Variants in FRY observed in about 807,000 individuals in gnomAD.
FRY encodes the protein protein furry homolog.
Under a neutral mutation model 348.4 loss-of-function variants are expected in FRY, and 128 were observed. The ratio of observed to expected loss-of-function variants is 0.37; its 90% CI spans 0.32 to 0.43. FRY has a LOEUF of 0.43. Ranked by LOEUF, FRY falls within the 20% of genes least tolerant of loss-of-function variation. FRY has a pLI of 1.00. For synonymous variants in FRY, 1,370 were observed against 1,374.7 expected (o/e 1.00, Z 0.08); for missense variants, 2,736 against 3,695.2 (o/e 0.74, Z 6.73).
intron 4 of FRY, among the ~76,000 whole-genome samples, chr13:32,122,550 G>T (rs1205160304): frequency 6.6e-6 from 1 of 151,684 alleles, no homozygotes; most frequent in Non-Finnish European, 1.5e-5. Flanking sequence ...TGTAATAAAA[G>T]CCATCTACGA....
intron 36 of FRY, among the ~76,000 whole-genome samples, chr13:32,221,782 G>A (rs1018353949): frequency 1.3e-5 from 2 of 152,132 alleles, no homozygotes; most frequent in African/African-American, 4.8e-5. Context: ...CAAAATGCTG[G>A]GATTACAGGC....
At chr13:32,178,577 A>G in intron 21 of FRY, 141 bp downstream of exon 21, 1 of 1,010,718 alleles carries the variant, frequency 9.9e-7, no homozygotes, top group South Asian at 1.6e-5. Flanking sequence ...GAGTAAAAAC[A>G]TTAAAAAAAT....
intron 36 of FRY, among the ~76,000 whole-genome samples, chr13:32,219,033 T>C (rs1474289273): frequency 6.6e-6 from 1 of 151,120 alleles, no homozygotes; most frequent in African/African-American, 2.4e-5. Flanking sequence ...CAAATCAAAA[T>C]TATAAAAATT....
Position 32,239,233 on chromosome 13 carries a change from T to C in FRY, c.6419-19T>C. On this transcript the variant is annotated intron_variant, in intron 44 of 60. Coordinates refer to ENST00000542859, the MANE Select transcript of FRY (RefSeq NM_023037.3). This position sits in a 1 kb window ranked among gnomAD's most constrained non-coding sequence, Gnocchi z 4.3. ...ATATACCATATTCAGCTATCTCCAT[T>C]GTATCTTCTCTAATCCAGGGTTTCC... The C allele has an allele frequency of 7.0e-7, 1 of 1,429,294 alleles. No individual in the cohort carries two copies. Among genetic ancestry groups the C allele is most frequent in the South Asian group, 1.1e-5 (1 of 87,330 alleles). 88.5% of individuals were successfully genotyped at this position (1,429,294 alleles called of 1,614,324 possible).
At chr13:32,034,481 C>T (rs1304369324) in intron 1 of FRY, among the ~76,000 whole-genome samples, 3 of 152,146 alleles carry the variant, frequency 2.0e-5, no homozygotes, top group Non-Finnish European at 2.9e-5. Context: ...ATTAAAATGG[C>T]CTTGATGTCT....
chr13:32,219,437 A>G (rs2138391283), intron 36 of FRY, among the ~76,000 whole-genome samples: 1 of 148,386 alleles, frequency 6.7e-6, no homozygotes. Context: ...GCTGGGGAAA[A>G]TACACTAAGT....
At chr13:32,231,101 G>T in intron 40 of FRY, 78 bp from the exon 41 acceptor site, 1 of 1,228,882 alleles carries the variant, frequency 8.1e-7, no homozygotes, top group Non-Finnish European at 1.2e-6. Context: ...TTATATGTTT[G>T]GAGTCAGGAC....
intron 2 of FRY, among the ~76,000 whole-genome samples, chr13:32,098,326 A>G (rs465051): frequency 0.82 from 125,315 of 152,016 alleles, 52,322 homozygotes; most frequent in Non-Finnish European, 0.89. Flanking sequence ...CATGCTACAT[A>G]TCAGGTGGAA....
chr13:32,062,216 A>G (rs983030419), intron 1 of FRY, among the ~76,000 whole-genome samples: 4 of 151,790 alleles, frequency 2.6e-5, no homozygotes, highest in African/African-American at 9.7e-5. Flanking sequence ...TAACAAGCAT[A>G]CAAGATAAAT....
chr13:32,296,423 A>G lies in FRY; in HGVS notation c.*963A>G, dbSNP rs928669398. ...ATGTCATATTTTATGTGTAATATATATGTAAAGGGCCATTCTTAAGTTCTC... is the reference window on the plus strand; with the variant it reads ...ATGTCATATTTTATGTGTAATATATGTGTAAAGGGCCATTCTTAAGTTCTC... On this transcript the variant is annotated 3_prime_UTR_variant, in exon 61 of 61. Coordinates refer to ENST00000542859, the MANE Select transcript of FRY (RefSeq NM_023037.3). 12 of 152,594 alleles carry G rather than the reference A, an allele frequency of 7.9e-5. No homozygotes were observed. The highest frequency in any genetic ancestry group is 2.9e-4 in the African/African-American group (12 of 41,434). The allele number at this position is 152,594 out of a possible 1,614,324, so 9.5% of individuals were successfully genotyped here. A position where few individuals can be genotyped will look rare whatever the true frequency, so the allele number is the denominator to read the frequency against.
intron 1 of FRY, among the ~76,000 whole-genome samples, chr13:32,075,174 T>C (rs1874960597): frequency 2.0e-5 from 3 of 152,240 alleles, no homozygotes; most frequent in Admixed American, 2.0e-4. Context: ...AGCAAATTTT[T>C]CCCTTTTATA....
chr13:32,074,373 T>C (rs187796741), intron 1 of FRY, among the ~76,000 whole-genome samples: 7 of 152,216 alleles, frequency 4.6e-5, no homozygotes, highest in Non-Finnish European at 1.0e-4. Flanking sequence ...TGAGAAAATA[T>C]AAAGAGAAGA....
chr13:32,127,740 C>T (rs1236116976), intron 7 of FRY, among the ~76,000 whole-genome samples: 1 of 151,904 alleles, frequency 6.6e-6, no homozygotes, highest in Non-Finnish European at 1.5e-5. Flanking sequence ...GATCGTGCCA[C>T]TACACTCCAG....
intron 51 of FRY, among the ~76,000 whole-genome samples, chr13:32,260,052 A>G (rs1425147845): frequency 6.6e-6 from 1 of 152,182 alleles, no homozygotes; most frequent in African/African-American, 2.4e-5. Flanking sequence ...GCCTTCTACC[A>G]TGAATAGCCC....
intron 15 of FRY, among the ~76,000 whole-genome samples, 193 bp downstream of exon 15, chr13:32,155,855 G>A (rs1284918555): frequency 6.6e-6 from 1 of 151,996 alleles, no homozygotes; most frequent in African/African-American, 2.4e-5. Context: ...AGAACTTCCT[G>A]GTAAATATTT....
intron 28 of FRY, among the ~76,000 whole-genome samples, chr13:32,191,543 A>G (rs138981171): frequency 2.0e-3 from 307 of 152,364 alleles, no homozygotes; most frequent in African/African-American, 6.9e-3. Flanking sequence ...AAGCTCATTA[A>G]TAATCATGTA....
At chr13:32,115,093 A>T (rs1021022253) in intron 3 of FRY, among the ~76,000 whole-genome samples, 1 of 152,236 alleles carries the variant, frequency 6.6e-6, no homozygotes, top group Non-Finnish European at 1.5e-5. Context: ...TGTACATATA[A>T]CCATCATTAT....
chr13:32,261,562 A>T (rs1887650083), intron 51 of FRY, 54 bp from the exon 52 acceptor site: 1 of 1,370,046 alleles, frequency 7.3e-7, no homozygotes, highest in Non-Finnish European at 1.0e-6. Context: ...ATGTGTGAAC[A>T]TGTGAGTGCA....
rs531288902 is a variant in FRY, at chr13:32,055,366, C to A, written c.71-23468C>A. ...CCTAAGATGGAAACTATTTTAAACC[C>A]TCCTATGGATTCCTCTACGTGGGAG... On this transcript the variant is annotated intron_variant, in intron 1 of 60. Transcript: ENST00000542859. Among the ~76,000 whole-genome samples, 48 of 152,270 alleles carry A rather than the reference C, an allele frequency of 3.2e-4. No homozygotes were observed. In the East Asian group the frequency reaches 7.5e-3, roughly 24 times the overall value.
Sources: gnomAD v4.1 joint callset for allele counts (sites outside exome capture counted in the v4.1 genomes callset) on GRCh38, gnomAD v4.1.1 for gene constraint, Gnocchi (gnomAD v3.1) non-coding constraint, MANE v1.5 for transcripts, NCBI Gene and HGNC (gene_info 2026-07-23, HGNC 2026-07-21) for gene names.